Variants in ZNF324B observed in about 807,000 individuals in gnomAD.
ZNF324B encodes the protein zinc finger protein 324B.
Under a neutral mutation model 10.6 loss-of-function variants are expected in ZNF324B, and 7 were observed. That is an observed-to-expected ratio of 0.66 (90% CI 0.38 to 1.24). ZNF324B has a LOEUF of 1.24. ZNF324B is among the 50% of genes most tolerant of loss of function. The probability of loss-of-function intolerance (pLI) is 0.02; values close to 1 mark genes in which losing one functional copy is unlikely to be tolerated. For missense variants in ZNF324B, 640 were observed against 764.7 expected (o/e 0.84, Z 1.92); for synonymous variants, 316 against 321.0 (o/e 0.98, Z 0.17).
At position 58,455,442 on chromosome 19, in the gene ZNF324B, C is replaced by T. The variant is rs761629801; in HGVS notation, c.498C>T (p.Leu166=). The change falls in exon 4 of 4, where the codon CTC becomes CTT. Residue 166 remains leucine (L), a synonymous_variant. Coordinates refer to ENST00000336614, the MANE Select transcript of ZNF324B (RefSeq NM_207395.3). This position sits in a 1 kb window ranked among gnomAD's most constrained non-coding sequence, Gnocchi z 7.0. ...ASISLRLTSP[L]RPPKSSRPRE... is the part of the protein sequence containing the mutation. ...TCAGCCTGCGACTGACCTCCCCACTCAGGCCCCCCAAGAGCAGCCGGCCCA... is the reference window on the plus strand; with the variant it reads ...TCAGCCTGCGACTGACCTCCCCACTTAGGCCCCCCAAGAGCAGCCGGCCCA... 5.0e-6 allele frequency: 8 copies of T among 1,614,058 alleles called. No homozygotes were observed. The highest frequency in any genetic ancestry group is 2.2e-5 in the East Asian group (1 of 44,892).
At chr19:58,436,136 A>G in the ZNF324B span, among the ~76,000 whole-genome samples, 7 of 152,324 alleles carry the variant, frequency 4.6e-5, no homozygotes, top group Middle Eastern at 3.4e-3. Context: ...AAATCTATAT[A>G]GTCAGAAAGT....
At chr19:58,420,989 C>T in the ZNF324B span, among the ~76,000 whole-genome samples, 1 of 150,680 alleles carries the variant, frequency 6.6e-6, no homozygotes, top group Non-Finnish European at 1.5e-5. Context: ...CCGGCGTGAG[C>T]CACCGCACCC....
At chr19:58,434,524 C>T in the ZNF324B span, 5 of 1,614,034 alleles carry the variant, frequency 3.1e-6, no homozygotes, top group African/African-American at 5.3e-5. Context: ...CTGGTGCTTC[C>T]TCAGCTTAGA....
upstream of ZNF324B, among the ~76,000 whole-genome samples, chr19:58,451,386 T>G (rs974578726): frequency 6.6e-6 from 1 of 152,356 alleles, no homozygotes; most frequent in South Asian, 2.1e-4. Flanking sequence ...CGGGACAACC[T>G]GCCGGGCGAC....
the ZNF324B span, chr19:58,435,262 G>A: frequency 3.3e-4 from 511 of 1,560,094 alleles, 1 homozygote; most frequent in Middle Eastern, 3.9e-4. Context: ...GGTGGGAATG[G>A]TTGACTTCAT....
At chr19:58,452,111 CA>C (rs2052865935) in intron 1 of ZNF324B, 1 of 170,006 alleles carries the variant, frequency 5.9e-6, no homozygotes, top group Non-Finnish European at 1.3e-5. Flanking sequence ...GGGGTCAGTG[CA>C]AACTCCTGCG....
At chr19:58,432,844 C>G in the ZNF324B span, 55 of 166,734 alleles carry the variant, frequency 3.3e-4, no homozygotes, top group Admixed American at 1.1e-3. Flanking sequence ...TTATTATCAC[C>G]AGTTAGTGCA....
the ZNF324B span, chr19:58,439,731 G>T: frequency 6.7e-7 from 1 of 1,499,310 alleles, no homozygotes; most frequent in South Asian, 1.3e-5. Flanking sequence ...ATCCCAGCGG[G>T]TGAGGGCCTG....
the ZNF324B span, chr19:58,433,507 TGATGACGA>T: frequency 6.2e-7 from 1 of 1,614,110 alleles, no homozygotes; most frequent in South Asian, 1.1e-5. Flanking sequence ...GTGAACTCTC[TGATGACGA>T]ACCAGGTGGG....
the ZNF324B span, among the ~76,000 whole-genome samples, chr19:58,439,109 T>G: frequency 6.6e-6 from 1 of 152,140 alleles, no homozygotes; most frequent in East Asian, 1.9e-4. Flanking sequence ...TCTTTCACTG[T>G]CCCACATCAG....
the ZNF324B span, chr19:58,445,111 A>G: frequency 1.1e-5 from 3 of 284,204 alleles, no homozygotes; most frequent in South Asian, 6.3e-5. Flanking sequence ...TTATATTCAG[A>G]GTTCTGCTTT....
the ZNF324B span, chr19:58,445,789 T>G: frequency 7.5e-6 from 2 of 266,412 alleles, no homozygotes; most frequent in Non-Finnish European, 1.5e-5. Flanking sequence ...CACCCCAGAC[T>G]GGGTGACAGA....
At chr19:58,439,776 G>C in the ZNF324B span, 1 of 1,544,890 alleles carries the variant, frequency 6.5e-7, no homozygotes, top group Non-Finnish European at 8.7e-7. Flanking sequence ...GGGCCCATCA[G>C]CAACGCTGGC....
rs376763836 is a variant in ZNF324B, at chr19:58,455,285, A to G, written c.341A>G (p.Asp114Gly). ...GMTTSVFPVADACHSVKSLQR... is the reference protein window; with the variant it reads ...GMTTSVFPVAGACHSVKSLQR... ...ACTACTAGCGTCTTCCCAGTTGCCG[A>G]TGCCTGCCACAGTGTAAAAAGCCTG... Residue 114 changes from aspartate to glycine, a missense_variant, in exon 4 of 4, where the codon GAT becomes GGT. Physicochemically the swap from Asp to Gly is moderately conservative, Grantham distance 94. Coordinates refer to ENST00000336614, the MANE Select transcript of ZNF324B (RefSeq NM_207395.3). This position sits in a 1 kb window ranked among gnomAD's most constrained non-coding sequence, Gnocchi z 7.0. 91 of 1,614,052 alleles carry G rather than the reference A, an allele frequency of 5.6e-5. No individual in the cohort carries two copies. Among genetic ancestry groups the G allele is most frequent in the African/African-American group, 2.1e-4 (16 of 74,924 alleles).
At chr19:58,443,025 C>T in the ZNF324B span, 2 of 151,662 alleles carry the variant, frequency 1.3e-5, no homozygotes, top group Non-Finnish European at 2.9e-5. Flanking sequence ...TTTTACAGAG[C>T]ACTGATTGGT....
At chr19:58,439,932 C>G in the ZNF324B span, 1 of 1,154,222 alleles carries the variant, frequency 8.7e-7, no homozygotes, top group Non-Finnish European at 1.2e-6. Context: ...CGCAAGGCCT[C>G]TGGGCACCGC....
chr19:58,432,603 CG>C, the ZNF324B span, among the ~76,000 whole-genome samples: 2 of 152,178 alleles, frequency 1.3e-5, no homozygotes, highest in African/African-American at 4.8e-5. Flanking sequence ...CTGGGCCCTA[CG>C]GTAACTGAAA....
In ZNF324B at chr19:58,455,399, G is replaced by T. The variant is rs373772104; in HGVS notation, c.455G>T (p.Arg152Leu). The change falls in exon 4 of 4, where the codon CGC becomes CTC. Residue 152 changes from arginine (R) to leucine (L), a missense_variant. Around this residue, in one of 3 missense-constraint regions of ZNF324B, gnomAD observed 345 missense variants for 387.9 expected, o/e 0.89. Coordinates refer to ENST00000336614, the MANE Select transcript of ZNF324B (RefSeq NM_207395.3). This position sits in a 1 kb window ranked among gnomAD's most constrained non-coding sequence, Gnocchi z 7.0. ...TGGGAGAGGCTCCTGCTAGGCTCGC[G>T]CAGTGACCAGGCCAGCATCAGCCTG... Reference protein sequence around the residue: ...IYWERLLLGSRSDQASISLRL... With the variant: ...IYWERLLLGSLSDQASISLRL... The T allele has an allele frequency of 1.9e-6, 3 of 1,614,080 alleles. No homozygotes were observed. The highest frequency in any genetic ancestry group is 2.5e-6 in the Non-Finnish European group (3 of 1,180,042).
chr19:58,454,945 C>T, intron 3 of ZNF324B: 1 of 666,776 alleles, frequency 1.5e-6, no homozygotes, highest in South Asian at 1.6e-5. Context: ...AGCTTCACAT[C>T]CTGGGTGTCT....
Sources: allele counts gnomAD v4.1 joint callset (sites outside exome capture counted in the v4.1 genomes callset), GRCh38; gene constraint gnomAD v4.1.1; regional missense constraint gnomAD v4.1.1; non-coding constraint Gnocchi (gnomAD v3.1); transcripts MANE v1.5; gene names NCBI Gene and HGNC (gene_info 2026-07-23, HGNC 2026-07-21).